Variants in PRSS3 observed in about 807,000 individuals in gnomAD.
The protein encoded by PRSS3 is serine protease 3.
In PRSS3, 14 loss-of-function variants were observed where a neutral mutation model predicts 20.8. The ratio of observed to expected loss-of-function variants is 0.67; its 90% confidence interval spans 0.44 to 1.05. PRSS3 has a LOEUF of 1.05. PRSS3 is among the 50% of genes least tolerant of loss of function. The pLI is 0.00. For synonymous variants in PRSS3, 91 were observed against 117.6 expected, an observed-to-expected ratio of 0.77 and a Z score of 1.46; for missense variants, 237 against 306.4, an observed-to-expected ratio of 0.77 and a Z score of 1.69.
chr9:33,763,100 T>C lies in PRSS3; in HGVS notation c.-53+12373T>C, dbSNP rs572183625. Among the ~76,000 whole-genome samples, 3 of 152,358 alleles carry C rather than the reference T, an allele frequency of 2.0e-5. No individual in the cohort carries two copies. In the East Asian group the frequency reaches 5.8e-4, roughly 29 times the overall value. On this transcript the variant is annotated intron_variant, in intron 1 of 5. Coordinates refer to the PRSS3 transcript ENST00000342836. ...GTCTGACACTACATAGTTCATATTC[T>C]ATTATGTGACTATATTCCTCCTTAA...
At chr9:33,794,845 A>T, upstream of PRSS3, 1 of 1,550,840 alleles carries the variant, frequency 6.4e-7, no homozygotes, top group South Asian at 1.2e-5. Context: ...GGAGTGCGCC[A>T]TTGGTTTTCC....
At chr9:33,753,105 C>T (rs922166337) in intron 1 of PRSS3, among the ~76,000 whole-genome samples, 13 of 152,194 alleles carry the variant, frequency 8.5e-5, no homozygotes, top group Admixed American at 7.9e-4. Context: ...AGCATTCCTT[C>T]CAGAATACCA....
At chr9:33,797,297 C>T (rs1825014168) in intron 2 of PRSS3, among the ~76,000 whole-genome samples, 1 of 152,256 alleles carries the variant, frequency 6.6e-6, no homozygotes, top group African/African-American at 2.4e-5. Flanking sequence ...GCACAAATCA[C>T]TGGGTCCCAT....
chr9:33,794,802 G>A, upstream of PRSS3: 1 of 1,550,902 alleles, frequency 6.4e-7, no homozygotes, highest in Non-Finnish European at 8.7e-7. Flanking sequence ...ATGCACATGA[G>A]AGAGACAAGT....
chr9:33,763,656 G>T (rs1044889297), intron 1 of PRSS3, among the ~76,000 whole-genome samples: 9 of 141,330 alleles, frequency 6.4e-5, no homozygotes, highest in African/African-American at 2.4e-4. Flanking sequence ...CAGAAATCGC[G>T]CCACTGCACT....
intron 1 of PRSS3, among the ~76,000 whole-genome samples, chr9:33,763,095 T>C (rs1329083804): frequency 1.3e-5 from 2 of 152,214 alleles, no homozygotes; most frequent in Admixed American, 6.5e-5. Flanking sequence ...ACATAGTTCA[T>C]ATTCTATTAT....
chr9:33,771,279 AAGG>A, intron 1 of PRSS3, among the ~76,000 whole-genome samples: 1 of 151,616 alleles, frequency 6.6e-6, no homozygotes, highest in East Asian at 1.9e-4. Flanking sequence ...GGGGCTGGGG[AAGG>A]AGAAGACTGG....
chr9:33,758,668 G>A (rs1198509526), intron 1 of PRSS3, among the ~76,000 whole-genome samples: 1 of 152,208 alleles, frequency 6.6e-6, no homozygotes, highest in Admixed American at 6.5e-5. Context: ...TCTGGGGGGA[G>A]AGGATTCGCA....
At chr9:33,797,766 G>A (rs779139003) in intron 2 of PRSS3, 63 bp from the exon 3 acceptor site, 1 of 1,614,028 alleles carries the variant, frequency 6.2e-7, no homozygotes, top group East Asian at 2.2e-5. Context: ...GGACCCTGGG[G>A]AAGGTGGGAG....
chr9:33,761,933 C>T (rs1053129459), intron 1 of PRSS3: 8 of 152,028 alleles, frequency 5.3e-5, no homozygotes, highest in Admixed American at 5.2e-4. Flanking sequence ...ATCATACATG[C>T]CGTCTGTTAT....
chr9:33,765,363 C>T (rs1485352478), intron 1 of PRSS3, among the ~76,000 whole-genome samples: 2 of 152,200 alleles, frequency 1.3e-5, no homozygotes, highest in Non-Finnish European at 2.9e-5. Context: ...CAATATACTG[C>T]TCACAATTTC....
upstream of PRSS3, among the ~76,000 whole-genome samples, chr9:33,790,781 A>G (rs547787028): frequency 2.6e-4 from 40 of 152,206 alleles, no homozygotes; most frequent in Admixed American, 7.9e-4. Context: ...GCTGCTTCCA[A>G]ATAGCCTAGA....
At chr9:33,753,962 C>G (rs1159068158) in intron 1 of PRSS3, among the ~76,000 whole-genome samples, 1 of 152,160 alleles carries the variant, frequency 6.6e-6, no homozygotes, top group Non-Finnish European at 1.5e-5. Flanking sequence ...GAGCTCTCAT[C>G]CTCACTTCCC....
intron 1 of PRSS3, among the ~76,000 whole-genome samples, chr9:33,767,626 C>G (rs1823494342): frequency 6.6e-6 from 1 of 152,160 alleles, no homozygotes; most frequent in Admixed American, 6.5e-5. Context: ...GAGTTCCAGA[C>G]CAGCCTGGCC....
At position 33,759,085 on chromosome 9, in the gene PRSS3, A is replaced by C. The variant is rs187500844; in HGVS notation, c.-53+8358A>C. Among the ~76,000 whole-genome samples, 31 of 152,302 alleles carry C rather than the reference A, an allele frequency of 2.0e-4. No homozygotes were observed. The East Asian group carries it at 5.8e-3, about 28-fold the overall frequency. On this transcript the variant is annotated intron_variant, in intron 1 of 5. Coordinates refer to the PRSS3 transcript ENST00000342836. Reference sequence around the variant, plus strand: ...TGCAGGAGATAAGGCCTAAAAACAGAAACCAAGTAAGAGGAATGAAAAGGA... The same window carrying C: ...TGCAGGAGATAAGGCCTAAAAACAGCAACCAAGTAAGAGGAATGAAAAGGA...
intron 1 of PRSS3, among the ~76,000 whole-genome samples, chr9:33,763,481 C>G (rs369647323): frequency 6.6e-6 from 1 of 152,016 alleles, no homozygotes; most frequent in African/African-American, 2.4e-5. Context: ...AGGCGGATCA[C>G]GAGGTCAGGA....
At chr9:33,762,900 T>TTATTAAA (rs1306081484) in intron 1 of PRSS3, among the ~76,000 whole-genome samples, 1 of 152,064 alleles carries the variant, frequency 6.6e-6, no homozygotes, top group Non-Finnish European at 1.5e-5. Flanking sequence ...AAGCTAACAC[T>TTATTAAA]TATTAAACAT....
chr9:33,779,441 CAATTCTGCTGTA>C (rs1364563849), intron 1 of PRSS3, among the ~76,000 whole-genome samples: 3 of 152,098 alleles, frequency 2.0e-5, no homozygotes, highest in Non-Finnish European at 2.9e-5. Flanking sequence ...TTTAATAATG[CAATTCTGCTGTA>C]AATTCTGCTG....
chr9:33,754,014 AGTCTT>A lies in PRSS3; in HGVS notation c.-53+3303_-53+3307del, dbSNP rs962292122. Reference sequence around the variant, plus strand: ...GACGGGCAGAGGCATGCTCCAGAAGAGTCTTGTCTTGTCTTGTCTTTTTTTTTCTT... The same window carrying A: ...GACGGGCAGAGGCATGCTCCAGAAGAGTCTTGTCTTGTCTTTTTTTTTCTT... On this transcript the variant is annotated intron_variant, in intron 1 of 5. Transcript: ENST00000342836. Among the ~76,000 whole-genome samples, 41 of 152,056 alleles carry A rather than the reference AGTCTT, an allele frequency of 2.7e-4. 1 individual carries two copies. Among genetic ancestry groups the A allele is most frequent in the East Asian group, 1.7e-3 (9 of 5,166 alleles).
Sources: gnomAD v4.1 joint callset for allele counts (sites outside exome capture counted in the v4.1 genomes callset) on GRCh38, gnomAD v4.1.1 for gene constraint, MANE v1.5 for transcripts, NCBI Gene and HGNC (gene_info 2026-07-23, HGNC 2026-07-21) for gene names.